SLC38A4: variants seen among roughly 807,000 people sequenced by gnomAD.
SLC38A4 encodes the protein sodium-coupled neutral amino acid transporter 4.
In SLC38A4, 20 loss-of-function variants were observed where a neutral mutation model predicts 63.1. That is an observed-to-expected ratio of 0.32 (90% CI 0.22 to 0.46). SLC38A4 has a LOEUF of 0.46. SLC38A4 is among the 20% of genes least tolerant of loss of function. The probability of loss-of-function intolerance (pLI) is 1.00; values close to 1 mark genes in which losing one functional copy is unlikely to be tolerated. For synonymous variants in SLC38A4, 230 were observed against 225.5 expected, an observed-to-expected ratio of 1.02 and a Z score of -0.18; for missense variants, 526 against 663.6, an observed-to-expected ratio of 0.79 and a Z score of 2.28.
chr12:46,827,469 G>A (rs1939674826), upstream of SLC38A4, among the ~76,000 whole-genome samples: 1 of 152,186 alleles, frequency 6.6e-6, no homozygotes, highest in South Asian at 2.1e-4. Context: ...GTCAAAGTCT[G>A]TTATGAAAAC....
At chr12:46,815,852 T>A (rs1395699117) in intron 1 of SLC38A4, among the ~76,000 whole-genome samples, 2 of 151,902 alleles carry the variant, frequency 1.3e-5, no homozygotes, top group Non-Finnish European at 2.9e-5. Context: ...AGAGATGGCT[T>A]TCTTTAGTAG....
chr12:46,823,377 A>G (rs1939589163), intron 1 of SLC38A4, among the ~76,000 whole-genome samples: 1 of 152,260 alleles, frequency 6.6e-6, no homozygotes, highest in Non-Finnish European at 1.5e-5. Flanking sequence ...AAAATACATT[A>G]TAAAGACAGC....
Position 46,765,245 on chromosome 12 carries a change from A to C in SLC38A4, c.*1456T>G, listed in dbSNP as rs990957604. On this transcript the variant is annotated 3_prime_UTR_variant, in exon 17 of 17. Transcript: ENST00000266579. ...ACTCCAGAAGTTTTAGGCTGTGAGT[A>C]GGAATTTTTAAATCCATTTTATGTA... The C allele has an allele frequency of 1.3e-5, 2 of 156,414 alleles. No individual in the cohort carries two copies. The highest frequency in any genetic ancestry group is 4.8e-5 in the African/African-American group (2 of 41,468). 9.7% of individuals were successfully genotyped at this position (156,414 alleles called of 1,614,324 possible).
At chr12:46,830,079 A>G (rs1939708574), upstream of SLC38A4, among the ~76,000 whole-genome samples, 1 of 152,094 alleles carries the variant, frequency 6.6e-6, no homozygotes, top group African/African-American at 2.4e-5. Flanking sequence ...GCCTCCAAAA[A>G]AAGTTATTTA....
chr12:46,804,762 T>C (rs1425207138), intron 1 of SLC38A4, among the ~76,000 whole-genome samples: 1 of 152,060 alleles, frequency 6.6e-6, no homozygotes, highest in Non-Finnish European at 1.5e-5. Flanking sequence ...TCTTAGCTCA[T>C]TGTCTATTTT....
intron 1 of SLC38A4, among the ~76,000 whole-genome samples, chr12:46,818,386 T>C (rs973236026): frequency 6.6e-6 from 1 of 151,862 alleles, no homozygotes; most frequent in African/African-American, 2.4e-5. Flanking sequence ...TATATGCTGA[T>C]TATTTTAGCT....
chr12:46,822,579 T>G (rs907455205), intron 1 of SLC38A4, among the ~76,000 whole-genome samples: 3 of 152,294 alleles, frequency 2.0e-5, no homozygotes, highest in African/African-American at 7.2e-5. Flanking sequence ...CTACTTTATG[T>G]TGAACATGAT....
rs1017050848 is a variant in SLC38A4, at chr12:46,769,368, A to T, written c.1360T>A (p.Phe454Ile). ...GCAATAAGCACAGCTGCAATCAGGA[A>T]ATGTCGTATCCAGCTGAAGGGTCGT... ...PKRPFSWIRHFLIAAVLIALN... is the reference protein window; with the variant it reads ...PKRPFSWIRHILIAAVLIALN... The change falls in exon 15 of 17, where the codon TTC (phenylalanine) becomes ATC (isoleucine). Residue 454 changes from phenylalanine to isoleucine, a missense_variant. Transcript: ENST00000266579. The T allele has an allele frequency of 5.6e-6, 9 of 1,613,344 alleles. No homozygotes were observed. The Admixed American group carries it at 1.2e-4, about 21-fold the overall frequency.
At chr12:46,776,853 A>G in intron 13 of SLC38A4, 51 bp downstream of exon 13, 3 of 1,528,490 alleles carry the variant, frequency 2.0e-6, no homozygotes, top group Non-Finnish European at 2.7e-6. Flanking sequence ...CAGGTCAAGG[A>G]CCAGCCTAAC....
chr12:46,828,325 G>T (rs1296509086), upstream of SLC38A4, among the ~76,000 whole-genome samples: 10 of 151,808 alleles, frequency 6.6e-5, no homozygotes, highest in African/African-American at 2.2e-4. Flanking sequence ...TGTTTTGTTG[G>T]TTGGTTGTTT....
At chr12:46,790,202 G>A (rs1938856069) in intron 3 of SLC38A4, among the ~76,000 whole-genome samples, 1 of 152,192 alleles carries the variant, frequency 6.6e-6, no homozygotes, top group African/African-American at 2.4e-5. Flanking sequence ...GAAAGAGGAT[G>A]ACAGGGTTAC....
intron 12 of SLC38A4, among the ~76,000 whole-genome samples, chr12:46,777,703 C>A (rs1938558726): frequency 6.6e-6 from 1 of 151,920 alleles, no homozygotes; most frequent in Non-Finnish European, 1.5e-5. Flanking sequence ...AGTTCATATC[C>A]TTTGTTCCCA....
rs554496461 is a variant in SLC38A4, at chr12:46,779,593, T to C, written c.717+18A>G. The C allele has an allele frequency of 1.3e-5, 20 of 1,589,928 alleles. No individual in the cohort carries two copies. In the East Asian group the frequency reaches 2.7e-4, roughly 21 times the overall value. On this transcript the variant is annotated intron_variant, in intron 10 of 16. Transcript: ENST00000266579. ...CATGCTAACCAACCTGCAAGGATCA[T>C]GTCATCACATCACTTACCACACTAA... is the stretch of plus-strand genomic sequence containing the variant.
chr12:46,832,049 T>C (rs1939738885), intron 1 of SLC38A4, among the ~76,000 whole-genome samples: 2 of 151,796 alleles, frequency 1.3e-5, no homozygotes, highest in South Asian at 4.1e-4. Flanking sequence ...TCCCTCCATG[T>C]GCCCTAGTTT....
chr12:46,807,693 T>C (rs1939261027), intron 1 of SLC38A4, among the ~76,000 whole-genome samples: 1 of 152,028 alleles, frequency 6.6e-6, no homozygotes, highest in Non-Finnish European at 1.5e-5. Flanking sequence ...TCCTAAATTA[T>C]TCAAATAGCA....
rs1011576515 is a variant in SLC38A4 at position 46,777,093 on chromosome 12, T to C, written c.1074-89A>G. ...ATGAAAATAATAATAAAAAAGTATA[T>C]CTATATTGCTCATCATGAAGACATA... is the stretch of plus-strand genomic sequence containing the variant. On this transcript the variant is annotated intron_variant, in intron 12 of 16. Transcript: ENST00000266579. 20 of 1,042,178 alleles carry C rather than the reference T, an allele frequency of 1.9e-5. No individual in the cohort carries two copies. The Admixed American group carries it at 4.8e-4, about 25-fold the overall frequency. The allele number at this position is 1,042,178 out of a possible 1,614,324, so 64.6% of individuals were successfully genotyped here.
chr12:46,788,967 C>A (rs1043979855), intron 3 of SLC38A4, among the ~76,000 whole-genome samples: 1 of 152,142 alleles, frequency 6.6e-6, no homozygotes, highest in Non-Finnish European at 1.5e-5. Flanking sequence ...AGGGTTATGA[C>A]AGAATTTTCT....
At chr12:46,824,526 G>A (rs1468268601) in intron 1 of SLC38A4, 1 of 152,098 alleles carries the variant, frequency 6.6e-6, no homozygotes, top group African/African-American at 2.4e-5. Flanking sequence ...AAAGGAAAAT[G>A]TGCAGCACTA....
Position 46,781,701 on chromosome 12 carries a change from C to T in SLC38A4, c.494-1671G>A, listed in dbSNP as rs1009017347. ...GGTGATGTTACGATATTTCATCTTACTCCCTTAAAGTCACGCCTCTTACCT... is the reference window on the plus strand; with the variant it reads ...GGTGATGTTACGATATTTCATCTTATTCCCTTAAAGTCACGCCTCTTACCT... On this transcript the variant is annotated intron_variant, in intron 7 of 16. Coordinates refer to ENST00000266579, the MANE Select transcript of SLC38A4 (RefSeq NM_018018.5). Among the ~76,000 whole-genome samples the T allele has an allele frequency of 2.0e-5, 3 of 152,116 alleles. No individual in the cohort carries two copies. The East Asian group carries it at 5.8e-4, about 30-fold the overall frequency.
Sources: allele counts gnomAD v4.1 joint callset (sites outside exome capture counted in the v4.1 genomes callset), GRCh38; gene constraint gnomAD v4.1.1; transcripts MANE v1.5; gene names NCBI Gene and HGNC (gene_info 2026-07-23, HGNC 2026-07-21).